DAB1: variants seen among roughly 807,000 people sequenced by gnomAD.
The protein encoded by DAB1 is DAB adaptor protein 1.
DAB1 carries 15 observed loss-of-function variants against 64.6 expected under a neutral mutation model. The ratio of observed to expected loss-of-function variants is 0.23; its 90% confidence interval spans 0.16 to 0.36. DAB1 has a LOEUF of 0.36. Ranked by LOEUF, DAB1 falls within the 10% of genes least tolerant of loss-of-function variation. The pLI is 1.00. For synonymous variants in DAB1, 235 were observed against 251.9 expected, an observed-to-expected ratio of 0.93 and a Z score of 0.64; for missense variants, 596 against 706.7, an observed-to-expected ratio of 0.84 and a Z score of 1.78.
chr1:57,519,902 A>G (rs74791533), intron 7 of DAB1, among the ~76,000 whole-genome samples: 77 of 152,366 alleles, frequency 5.1e-4, no homozygotes, highest in African/African-American at 1.8e-3. Context: ...GAAAATAGAG[A>G]AAACTCTGAA....
downstream of DAB1, among the ~76,000 whole-genome samples, chr1:57,822,325 T>G (rs1299661543): frequency 2.6e-5 from 4 of 152,118 alleles, no homozygotes; most frequent in Non-Finnish European, 5.9e-5. Context: ...ATGGGGCAGG[T>G]AGATAACTTT....
chr1:58,119,819 C>A lies in DAB1; in HGVS notation n.387+30692G>T, dbSNP rs571994343. 2.0e-5 allele frequency among the ~76,000 whole-genome samples: 3 copies of A among 152,260 alleles called. No homozygotes were observed. In the South Asian group the frequency reaches 6.2e-4, roughly 32 times the overall value. On this transcript the variant is annotated intron_variant and non_coding_transcript_variant, in intron 5 of 20. Transcript: ENST00000485760. ...CTATTCAATAAGTTTATTTAATAGT[C>A]CTGCAGAGAAAGGGACATGATGCTC...
chr1:57,768,519 T>A (rs866506348), intron 6 of DAB1, among the ~76,000 whole-genome samples: 6 of 150,730 alleles, frequency 4.0e-5, no homozygotes, highest in African/African-American at 1.2e-4. Context: ...CATAGTCACA[T>A]ATACAGATAT....
At chr1:57,527,201 C>T (rs1022937112) in intron 7 of DAB1, among the ~76,000 whole-genome samples, 5 of 152,146 alleles carry the variant, frequency 3.3e-5, no homozygotes, top group East Asian at 3.8e-4. Flanking sequence ...TTGTCCAAGA[C>T]GCACCTGTCT....
intron 14 of DAB1, among the ~76,000 whole-genome samples, chr1:57,009,728 G>A (rs948044111): frequency 2.7e-4 from 41 of 152,246 alleles, no homozygotes; most frequent in African/African-American, 9.9e-4. Flanking sequence ...CGTTTGTCAA[G>A]AAGTGACCTT....
intron 7 of DAB1, among the ~76,000 whole-genome samples, chr1:57,547,376 A>G (rs546651726): frequency 6.6e-6 from 1 of 152,358 alleles, no homozygotes; most frequent in Admixed American, 6.5e-5. Context: ...GAATCTCTTT[A>G]GAACTACTAA....
intron 1 of DAB1, chr1:57,862,740 C>T (rs1239397089): frequency 2.6e-5 from 4 of 152,138 alleles, no homozygotes; most frequent in African/African-American, 7.2e-5. Flanking sequence ...TAATGAGATA[C>T]CACTACAACC....
In DAB1 at chr1:57,707,264, T is replaced by A. The variant is rs1410081017; in HGVS notation, n.552-57599A>T. Among the ~76,000 whole-genome samples, 3 of 152,144 alleles carry A rather than the reference T, an allele frequency of 2.0e-5. No individual in the cohort carries two copies. In the East Asian group the frequency reaches 5.8e-4, roughly 29 times the overall value. ...ATAAATGGAATCACACATCACACAG[T>A]ATGTGACCTTTAGGTATTAGATTTT... On this transcript the variant is annotated intron_variant and non_coding_transcript_variant, in intron 6 of 20. Coordinates refer to the DAB1 transcript ENST00000485760.
intron 1 of DAB1, among the ~76,000 whole-genome samples, chr1:57,342,961 C>T (rs1329544694): frequency 6.6e-6 from 1 of 152,146 alleles, no homozygotes. Context: ...AGAGAAAGAA[C>T]AAAGCTTCCA....
At chr1:58,195,501 G>A (rs1392764793) in intron 4 of DAB1, among the ~76,000 whole-genome samples, 1 of 152,192 alleles carries the variant, frequency 6.6e-6, no homozygotes, top group Non-Finnish European at 1.5e-5. Context: ...AAGGAAAGAT[G>A]TAAGAACAGA....
intron 5 of DAB1, among the ~76,000 whole-genome samples, chr1:57,951,158 T>C (rs2100236411): frequency 6.6e-6 from 1 of 151,688 alleles, no homozygotes; most frequent in South Asian, 2.1e-4. Flanking sequence ...TCTATTTTAA[T>C]GGTTACATAT....
At chr1:57,685,456 A>G (rs1446408005) in intron 6 of DAB1, among the ~76,000 whole-genome samples, 1 of 152,188 alleles carries the variant, frequency 6.6e-6, no homozygotes, top group Non-Finnish European at 1.5e-5. Context: ...TAGCCAAACA[A>G]TAATAGTCAG....
chr1:57,568,654 C>T (rs1170267660), intron 7 of DAB1, among the ~76,000 whole-genome samples: 1 of 152,168 alleles, frequency 6.6e-6, no homozygotes, highest in African/African-American at 2.4e-5. Flanking sequence ...GACTTTTATG[C>T]AGCCAACAGA....
intron 5 of DAB1, among the ~76,000 whole-genome samples, chr1:58,090,426 A>G (rs1398903120): frequency 6.6e-6 from 1 of 152,170 alleles, no homozygotes; most frequent in Non-Finnish European, 1.5e-5. Flanking sequence ...TGGTACTACT[A>G]TGTAAACTTT....
At chr1:57,682,982 C>T in intron 6 of DAB1, among the ~76,000 whole-genome samples, 1 of 152,262 alleles carries the variant, frequency 6.6e-6, no homozygotes, top group East Asian at 1.9e-4. Flanking sequence ...GCCTGAGTAC[C>T]CTGCTCTGCC....
intron 9 of DAB1, among the ~76,000 whole-genome samples, chr1:57,055,328 A>G (rs1404581344): frequency 6.6e-6 from 1 of 152,210 alleles, no homozygotes; most frequent in Non-Finnish European, 1.5e-5. Flanking sequence ...ATCTGCTAGA[A>G]AGACAGAGAC....
intron 2 of DAB1, among the ~76,000 whole-genome samples, chr1:57,193,010 C>T (rs1175867592): frequency 6.6e-6 from 1 of 152,126 alleles, no homozygotes; most frequent in Non-Finnish European, 1.5e-5. Context: ...TGTGGAATGG[C>T]TAAATCAAGC....
rs1684882980 is a variant in DAB1, at chr1:57,421,528, T to G, written c.-137+2402A>C. 2.0e-5 allele frequency among the ~76,000 whole-genome samples: 3 copies of G among 152,250 alleles called. No homozygotes were observed. The Middle Eastern group carries it at 0.01, about 518-fold the overall frequency. Reference sequence around the variant, plus strand: ...CGTTCCCAAGAAGATGGTCACAACATATTTGCACTTCCCACTTCGGCCTCT... The same window carrying G: ...CGTTCCCAAGAAGATGGTCACAACAGATTTGCACTTCCCACTTCGGCCTCT... On this transcript the variant is annotated intron_variant, in intron 1 of 14. Transcript: ENST00000371236.
At chr1:58,479,546 C>T (rs1276168868) in intron 3 of DAB1, among the ~76,000 whole-genome samples, 1 of 152,128 alleles carries the variant, frequency 6.6e-6, no homozygotes, top group Admixed American at 6.5e-5. Context: ...TACACTGCCT[C>T]ATCTATGCTT....
Sources: gnomAD v4.1 joint callset for allele counts (sites outside exome capture counted in the v4.1 genomes callset) on GRCh38, gnomAD v4.1.1 for gene constraint, MANE v1.5 for transcripts, NCBI Gene and HGNC (gene_info 2026-07-23, HGNC 2026-07-21) for gene names.